Variants in DGKG observed in about 807,000 individuals in gnomAD.
DGKG encodes the protein diacylglycerol kinase gamma.
In DGKG, 78 loss-of-function variants were observed where a neutral mutation model predicts 105.3. The ratio of observed to expected loss-of-function variants is 0.74; its 90% CI spans 0.62 to 0.89. The LOEUF is 0.89. Ranked by LOEUF, DGKG falls within the 40% of genes least tolerant of loss-of-function variation. The pLI, the probability that DGKG is intolerant of heterozygous loss-of-function variation, is 0.00. For missense variants in DGKG, 958 were observed against 1,020.1 expected (o/e 0.94, Z 0.83); for synonymous variants, 346 against 367.1 (o/e 0.94, Z 0.66).
intron 21 of DGKG, 29 bp from the exon 22 acceptor site, chr3:186,188,408 T>G (rs765514375): frequency 6.2e-7 from 1 of 1,611,072 alleles, no homozygotes; most frequent in Non-Finnish European, 8.5e-7. Flanking sequence ...AGGCCATCTG[T>G]TAGTGTCCTC....
chr3:186,358,254 A>G (rs1727067293), intron 1 of DGKG, among the ~76,000 whole-genome samples: 1 of 152,268 alleles, frequency 6.6e-6, no homozygotes, highest in South Asian at 2.1e-4. Flanking sequence ...AGATATGCAA[A>G]TAGTGACTTC....
At chr3:186,329,307 T>G (rs1390034705) in intron 1 of DGKG, among the ~76,000 whole-genome samples, 2 of 152,208 alleles carry the variant, frequency 1.3e-5, no homozygotes, top group African/African-American at 4.8e-5. Context: ...TGGTTTCTAA[T>G]GCATTTTCTA....
In DGKG at chr3:186,361,216, G is replaced by A. The variant is rs1019776424; in HGVS notation, c.-249+730C>T. Among the ~76,000 whole-genome samples the A allele has an allele frequency of 1.3e-5, 2 of 152,192 alleles. No individual in the cohort carries two copies. Among genetic ancestry groups the A allele is most frequent in the South Asian group, 2.1e-4 (1 of 4,830 alleles). On this transcript the variant is annotated intron_variant, in intron 1 of 24. Coordinates refer to ENST00000265022, the MANE Select transcript of DGKG (RefSeq NM_001346.3). This position sits in a 1 kb window ranked among gnomAD's most constrained non-coding sequence, Gnocchi z 6.8. Reference sequence around the variant, plus strand: ...CTGTAGGGCTTTTTAGAACTCCACAGCCCCCTCCCCTAATTCTATTCCACT... The same window carrying A: ...CTGTAGGGCTTTTTAGAACTCCACAACCCCCTCCCCTAATTCTATTCCACT...
intron 11 of DGKG, among the ~76,000 whole-genome samples, chr3:186,271,187 C>T (rs1233369347): frequency 6.6e-6 from 1 of 152,176 alleles, no homozygotes; most frequent in Non-Finnish European, 1.5e-5. Context: ...AGTGCCCTTC[C>T]CCTGCTAATT....
chr3:186,260,296 G>T, intron 16 of DGKG, 143 bp downstream of exon 16: 1 of 664,294 alleles, frequency 1.5e-6, no homozygotes, highest in Non-Finnish European at 2.6e-6. Context: ...AGTCAGACGT[G>T]AGAAAAAGCA....
intron 2 of DGKG, among the ~76,000 whole-genome samples, chr3:186,314,329 T>G (rs1157146310): frequency 1.3e-5 from 2 of 152,136 alleles, no homozygotes; most frequent in Non-Finnish European, 2.9e-5. Context: ...GGACTTTTGG[T>G]TCTAATTTCT....
intron 3 of DGKG, among the ~76,000 whole-genome samples, chr3:186,303,868 G>A (rs1047662905): frequency 6.6e-6 from 1 of 152,134 alleles, no homozygotes; most frequent in Non-Finnish European, 1.5e-5. Flanking sequence ...CAGCTAACTC[G>A]TTTCTCATTG....
chr3:186,230,460 G>A (rs891109561), intron 20 of DGKG, among the ~76,000 whole-genome samples: 9 of 152,190 alleles, frequency 5.9e-5, no homozygotes, highest in African/African-American at 2.2e-4. Flanking sequence ...GAGAGCAGCT[G>A]TGTGGGGAAG....
At chr3:186,238,657 A>C (rs1720532670) in intron 20 of DGKG, among the ~76,000 whole-genome samples, 1 of 152,152 alleles carries the variant, frequency 6.6e-6, no homozygotes, top group South Asian at 2.1e-4. Flanking sequence ...TCAATTAGCA[A>C]TTAATGATTA....
chr3:186,287,307 T>C lies in DGKG; in HGVS notation c.544+1403A>G, dbSNP rs530499825. ...GAAGAAGAGTCTGCGATTTTAGAGGTACATACTGAAATATTTACAGATTAT... is the reference window on the plus strand; with the variant it reads ...GAAGAAGAGTCTGCGATTTTAGAGGCACATACTGAAATATTTACAGATTAT... On this transcript the variant is annotated intron_variant, in intron 6 of 24. Coordinates refer to ENST00000265022, the MANE Select transcript of DGKG (RefSeq NM_001346.3). Among the ~76,000 whole-genome samples the C allele has an allele frequency of 2.0e-5, 3 of 152,264 alleles. No homozygotes were observed. The South Asian group carries it at 6.2e-4, about 32-fold the overall frequency.
chr3:186,239,346 C>A (rs1433565304), intron 20 of DGKG, among the ~76,000 whole-genome samples: 3 of 152,232 alleles, frequency 2.0e-5, no homozygotes, highest in Non-Finnish European at 4.4e-5. Context: ...CTCAGTTCAG[C>A]TGAGTAAAAT....
At chr3:186,229,506 A>G (rs1278059207) in intron 20 of DGKG, among the ~76,000 whole-genome samples, 3 of 152,062 alleles carry the variant, frequency 2.0e-5, no homozygotes, top group African/African-American at 7.2e-5. Flanking sequence ...CTGCCTCCCA[A>G]AGTGCTGGGA....
At chr3:186,211,357 C>T (rs1719029149) in intron 21 of DGKG, among the ~76,000 whole-genome samples, 1 of 152,210 alleles carries the variant, frequency 6.6e-6, no homozygotes, top group Admixed American at 6.5e-5. Flanking sequence ...GGCAGGTCAG[C>T]TGGGGGATGT....
At chr3:186,192,700 C>T (rs984130631) in intron 21 of DGKG, among the ~76,000 whole-genome samples, 1 of 152,122 alleles carries the variant, frequency 6.6e-6, no homozygotes, top group Non-Finnish European at 1.5e-5. Context: ...TGAGGCAAAT[C>T]GGGATTTTTG....
intron 21 of DGKG, among the ~76,000 whole-genome samples, chr3:186,192,589 T>A (rs553035222): frequency 1.1e-3 from 167 of 152,264 alleles, no homozygotes; most frequent in African/African-American, 3.8e-3. Context: ...GGGGTTAAGA[T>A]GCTTGCTCAA....
intron 22 of DGKG, among the ~76,000 whole-genome samples, chr3:186,177,941 A>T (rs1167900525): frequency 6.6e-6 from 1 of 150,540 alleles, no homozygotes; most frequent in African/African-American, 2.5e-5. Context: ...TTCCAATATG[A>T]TGGTATTTGG....
intron 2 of DGKG, among the ~76,000 whole-genome samples, chr3:186,309,998 G>A (rs900594269): frequency 6.6e-6 from 1 of 151,320 alleles, no homozygotes; most frequent in Non-Finnish European, 1.5e-5. Flanking sequence ...GCCGGGCGCG[G>A]TGGCTCACGC....
At chr3:186,359,914 A>C (rs1475326350) in intron 1 of DGKG, among the ~76,000 whole-genome samples, 1 of 152,226 alleles carries the variant, frequency 6.6e-6, no homozygotes, top group Non-Finnish European at 1.5e-5. Context: ...TAATACAATA[A>C]GATATACATT....
At chr3:186,247,300 C>T (rs951988771) in intron 19 of DGKG, among the ~76,000 whole-genome samples, 5 of 151,578 alleles carry the variant, frequency 3.3e-5, no homozygotes, top group African/African-American at 7.3e-5. Context: ...GTTCTGTTGG[C>T]ATCAAGGGGT....
Sources: gnomAD v4.1 joint callset for allele counts (sites outside exome capture counted in the v4.1 genomes callset) on GRCh38, gnomAD v4.1.1 for gene constraint, Gnocchi (gnomAD v3.1) non-coding constraint, MANE v1.5 for transcripts, NCBI Gene and HGNC (gene_info 2026-07-23, HGNC 2026-07-21) for gene names.